Variants in MAD1L1 observed in about 807,000 individuals in gnomAD.
The protein encoded by MAD1L1 is mitotic spindle assembly checkpoint protein MAD1.
A neutral mutation model predicts 96.9 loss-of-function variants in MAD1L1; 95 were observed. The ratio of observed to expected loss-of-function variants is 0.98; its 90% CI spans 0.83 to 1.16. MAD1L1 has a LOEUF of 1.16. MAD1L1 is among the 50% of genes most tolerant of loss of function. The pLI, the probability that MAD1L1 is intolerant of heterozygous loss-of-function variation, is 0.00. For missense variants in MAD1L1, 1,007 were observed against 954.4 expected (o/e 1.06, Z -0.73); for synonymous variants, 473 against 396.6 (o/e 1.19, Z -2.29).
intron 11 of MAD1L1, among the ~76,000 whole-genome samples, chr7:2,136,414 A>AG (rs2128571545): frequency 6.6e-6 from 1 of 152,306 alleles, no homozygotes; most frequent in Admixed American, 6.5e-5. Context: ...GTGCCAGGGC[A>AG]GGGGGACACG....
intron 13 of MAD1L1, among the ~76,000 whole-genome samples, chr7:2,002,832 C>T (rs570018056): frequency 1.1e-4 from 17 of 152,356 alleles, no homozygotes; most frequent in East Asian, 3.9e-4. Context: ...ATGACCTGCA[C>T]GGTGCATGGG....
intron 6 of MAD1L1, among the ~76,000 whole-genome samples, chr7:2,218,252 G>C (rs10247693): frequency 0.081 from 12,341 of 152,024 alleles, 1,727 homozygotes; most frequent in African/African-American, 0.28. Flanking sequence ...AGCCCCTGTG[G>C]GCTGGCTCTC....
At chr7:1,898,807 A>C (rs1355204826) in intron 17 of MAD1L1, among the ~76,000 whole-genome samples, 1 of 152,076 alleles carries the variant, frequency 6.6e-6, no homozygotes, top group Admixed American at 6.5e-5. Context: ...CACTCCGGGG[A>C]TTTAGGCGAG....
At chr7:2,161,754 G>T (rs890834657) in intron 10 of MAD1L1, among the ~76,000 whole-genome samples, 2 of 147,838 alleles carry the variant, frequency 1.4e-5, no homozygotes, top group Non-Finnish European at 3.0e-5. Flanking sequence ...CTGCCTGGCC[G>T]CGACCCCATC....
intron 17 of MAD1L1, among the ~76,000 whole-genome samples, chr7:1,934,690 A>G (rs1789682346): frequency 6.7e-6 from 1 of 150,354 alleles, no homozygotes; most frequent in Non-Finnish European, 1.5e-5. Context: ...CGAACCCGAG[A>G]CAGGCAGAGA....
At chr7:2,034,242 G>A (rs976766502) in intron 12 of MAD1L1, among the ~76,000 whole-genome samples, 37 of 146,972 alleles carry the variant, frequency 2.5e-4, no homozygotes, top group African/African-American at 8.7e-4. Context: ...TTTTGGAGAC[G>A]GAGTCTCGCT....
chr7:1,892,685 C>T (rs368386462), intron 18 of MAD1L1, among the ~76,000 whole-genome samples: 17 of 152,316 alleles, frequency 1.1e-4, no homozygotes, highest in South Asian at 6.2e-4. Flanking sequence ...ATGACAAACC[C>T]GGTAGGTCGA....
intron 14 of MAD1L1, among the ~76,000 whole-genome samples, chr7:1,983,229 C>A (rs1403189335): frequency 6.6e-6 from 1 of 152,064 alleles, no homozygotes; most frequent in Non-Finnish European, 1.5e-5. Context: ...CAATACAACA[C>A]TTCCAGAATG....
chr7:2,197,061 G>C (rs1792026919), intron 10 of MAD1L1, among the ~76,000 whole-genome samples: 1 of 152,234 alleles, frequency 6.6e-6, no homozygotes. Context: ...TGCGGCTCCT[G>C]TGACCTGCAG....
At chr7:1,848,293 C>G (rs1438977629) in intron 18 of MAD1L1, 3 of 162,112 alleles carry the variant, frequency 1.9e-5, no homozygotes, top group African/African-American at 7.2e-5. Flanking sequence ...GGCTGACCAT[C>G]GGCCACTCGG....
chr7:1,906,205 G>A (rs1239818597), intron 17 of MAD1L1, among the ~76,000 whole-genome samples: 1 of 152,176 alleles, frequency 6.6e-6, no homozygotes, highest in Non-Finnish European at 1.5e-5. Context: ...CGCCAGCCCT[G>A]GTGCTTCTGT....
At chr7:1,910,718 C>G (rs577849858) in intron 17 of MAD1L1, among the ~76,000 whole-genome samples, 1 of 152,368 alleles carries the variant, frequency 6.6e-6, no homozygotes, top group South Asian at 2.1e-4. Context: ...AGGTGAGAGC[C>G]TGCTCGGGCT....
chr7:1,978,017 G>GGCACCAGCC (rs1474619345), intron 15 of MAD1L1, among the ~76,000 whole-genome samples: 3 of 152,248 alleles, frequency 2.0e-5, no homozygotes, highest in East Asian at 1.9e-4. Flanking sequence ...TGCAGGGTCA[G>GGCACCAGCC]GCACCAGCCA....
intron 18 of MAD1L1, among the ~76,000 whole-genome samples, chr7:1,869,221 C>T (rs956071017): frequency 3.3e-5 from 5 of 152,142 alleles, no homozygotes; most frequent in South Asian, 2.1e-4. Context: ...CACAGAGGCC[C>T]GGGGGAACGC....
rs568999498 is a variant in MAD1L1, at chr7:1,903,937, G to A, written c.1808-5547C>T. Among the ~76,000 whole-genome samples, 9 of 120,556 alleles carry A rather than the reference G, an allele frequency of 7.5e-5. 1 individual carries two copies. The highest frequency in any genetic ancestry group is 2.6e-4 in the African/African-American group (9 of 34,374). 79.1% of individuals were successfully genotyped at this position (120,556 alleles called of 152,430 possible). ...AAGCACTGTTCCAGGCAGCGAGGAC[G>A]CAGTGGCCTACGGAAGACACTCTTG... On this transcript the variant is annotated intron_variant, in intron 17 of 18. Coordinates refer to ENST00000265854, the MANE Select transcript of MAD1L1 (RefSeq NM_001013836.2).
rs143101913 is a variant in MAD1L1 at position 2,123,631 on chromosome 7, C to G, written c.1073+25521G>C. Among the ~76,000 whole-genome samples the G allele has an allele frequency of 1.5e-4, 23 of 152,324 alleles. No individual in the cohort carries two copies. The East Asian group carries it at 4.5e-3, about 29-fold the overall frequency. ...GAGGCGTCAATCCGCTGGAGGGCAGCAGCCCTCAAGCGAGGACTCACGGGG... is the reference window on the plus strand; with the variant it reads ...GAGGCGTCAATCCGCTGGAGGGCAGGAGCCCTCAAGCGAGGACTCACGGGG... On this transcript the variant is annotated intron_variant, in intron 11 of 18. Transcript: ENST00000265854.
intron 18 of MAD1L1, among the ~76,000 whole-genome samples, chr7:1,866,672 C>A (rs1456479714): frequency 6.6e-6 from 1 of 152,202 alleles, no homozygotes; most frequent in African/African-American, 2.4e-5. Context: ...CCAGAGCAGT[C>A]CTGCTTGGCG....
At chr7:2,231,429 G>C (rs965268739) in intron 1 of MAD1L1, among the ~76,000 whole-genome samples, 1 of 151,962 alleles carries the variant, frequency 6.6e-6, no homozygotes, top group Non-Finnish European at 1.5e-5. Context: ...AGACCAGCCT[G>C]GCCAACATGG....
chr7:1,917,002 C>T (rs1174065756), intron 17 of MAD1L1, among the ~76,000 whole-genome samples: 1 of 152,198 alleles, frequency 6.6e-6, no homozygotes, highest in Non-Finnish European at 1.5e-5. Context: ...CCAGTCATCA[C>T]AGCATCTTGT....
Sources: gnomAD v4.1 joint callset for allele counts (sites outside exome capture counted in the v4.1 genomes callset) on GRCh38, gnomAD v4.1.1 for gene constraint, MANE v1.5 for transcripts, NCBI Gene and HGNC (gene_info 2026-07-23, HGNC 2026-07-21) for gene names.